UGT2A3: variants seen among roughly 807,000 people sequenced by gnomAD.
UGT2A3 encodes the protein UDP-glucuronosyltransferase 2A3.
A neutral mutation model predicts 44.1 loss-of-function variants in UGT2A3; 55 were observed. That is an observed-to-expected ratio of 1.25 (90% CI 1.00 to 1.56). The LOEUF is 1.56. Among genes scored for constraint, UGT2A3 ranks in the 40% most tolerant of loss-of-function variants. UGT2A3 has a pLI of 0.00. For missense variants in UGT2A3, 733 were observed against 621.6 expected (o/e 1.18, Z -1.91); for synonymous variants, 243 against 215.1 (o/e 1.13, Z -1.13).
At chr4:68,946,683 G>C (rs1718394318) in intron 1 of UGT2A3, among the ~76,000 whole-genome samples, 1 of 151,610 alleles carries the variant, frequency 6.6e-6, no homozygotes, top group South Asian at 2.1e-4. Flanking sequence ...TCAAAGGAAA[G>C]AAAATTAAAT....
At position 68,945,678 on chromosome 4, in the gene UGT2A3, A is replaced by T. The variant is rs1321219387; in HGVS notation, c.716-224T>A. The stretch of plus-strand genomic sequence containing the variant: ...GAGAAAGAAAGGAGGGAAGGAAGAA[A>T]GGAAGGAAGGAAGGATGGAGGGAGG... On this transcript the variant is annotated intron_variant, in intron 1 of 5. Transcript: ENST00000251566. Among the ~76,000 whole-genome samples the T allele has an allele frequency of 2.0e-5, 3 of 147,918 alleles. No individual in the cohort carries two copies. The East Asian group carries it at 6.0e-4, about 30-fold the overall frequency.
At chr4:68,950,986 A>G (rs1198420061) in intron 1 of UGT2A3, 60 bp downstream of exon 1, 2 of 1,238,986 alleles carry the variant, frequency 1.6e-6, no homozygotes, top group African/African-American at 1.5e-5. Flanking sequence ...ACAATGTATG[A>G]CAATTTTTAA....
chr4:68,947,781 G>T (rs1407055904), intron 1 of UGT2A3, among the ~76,000 whole-genome samples: 2 of 151,782 alleles, frequency 1.3e-5, no homozygotes, highest in Admixed American at 1.3e-4. Flanking sequence ...AGAGCCCTTT[G>T]TTGACCATGT....
At position 68,929,594 on chromosome 4, in the gene UGT2A3, C is replaced by A; in HGVS notation, c.*219G>T. 1 of 448,666 alleles carries A rather than the reference C, an allele frequency of 2.2e-6. No homozygotes were observed. The highest frequency in any genetic ancestry group is 3.5e-5 in the East Asian group (1 of 28,884). 27.8% of individuals were successfully genotyped at this position (448,666 alleles called of 1,614,324 possible). A position where few individuals can be genotyped will look rare whatever the true frequency, so the allele number is the denominator to read the frequency against. On this transcript the variant is annotated 3_prime_UTR_variant, in exon 6 of 6. Coordinates refer to ENST00000251566, the MANE Select transcript of UGT2A3 (RefSeq NM_024743.4). ...TAGGAAAATTTAGATGTATTCATGT[C>A]CTTGTGTCACAAAGTGAGAGAAGAG...
chr4:68,942,319 ATCTCTCTC>A (rs3071533), intron 2 of UGT2A3, among the ~76,000 whole-genome samples: 2 of 145,994 alleles, frequency 1.4e-5, no homozygotes, highest in African/African-American at 2.5e-5. Flanking sequence ...ATTTGAAAAT[ATCTCTCTC>A]TCTCTCTCTC....
chr4:68,938,425 C>T (rs1429549262), intron 2 of UGT2A3, among the ~76,000 whole-genome samples: 3 of 151,938 alleles, frequency 2.0e-5, no homozygotes, highest in Non-Finnish European at 2.9e-5. Flanking sequence ...AAATGTAATC[C>T]TTCACACAAG....
intron 2 of UGT2A3, among the ~76,000 whole-genome samples, chr4:68,939,487 G>T (rs973267409): frequency 6.6e-6 from 1 of 152,102 alleles, no homozygotes; most frequent in African/African-American, 2.4e-5. Flanking sequence ...GGGAAAACAC[G>T]CTAGCCATAT....
chr4:68,932,648 G>A lies in UGT2A3; in HGVS notation c.976C>T (p.Leu326Phe). The A allele has an allele frequency of 1.2e-6, 2 of 1,610,692 alleles. No individual in the cohort carries two copies. The highest frequency in any genetic ancestry group is 1.1e-5 in the South Asian group (1 of 90,788). ...EEKANIIASA[L>F]AQIPQKVLWR... ...CTGACCTTCTGTGGGATCTGGGCAA[G>A]GGCTGAAGCAATGATATTAGCCTTT... The change falls in exon 3 of 6, where the codon CTT becomes TTT. Residue 326 changes from leucine (L) to phenylalanine (F), a missense_variant. By Grantham distance (22) the Leu-to-Phe change is conservative. Transcript: ENST00000251566.
At chr4:68,941,099 C>T (rs1192996378) in intron 2 of UGT2A3, among the ~76,000 whole-genome samples, 5 of 151,572 alleles carry the variant, frequency 3.3e-5, no homozygotes, top group Non-Finnish European at 5.9e-5. Flanking sequence ...TTTACAAAAC[C>T]TGGCACTCCC....
At chr4:68,941,583 AT>A in intron 2 of UGT2A3, among the ~76,000 whole-genome samples, 1 of 151,898 alleles carries the variant, frequency 6.6e-6, no homozygotes. Context: ...CTAGGCAAGG[AT>A]TTTTTTGGAT....
intron 2 of UGT2A3, among the ~76,000 whole-genome samples, chr4:68,935,329 T>C (rs1484021751): frequency 8.0e-6 from 1 of 125,002 alleles, no homozygotes; most frequent in Non-Finnish European, 1.7e-5. Context: ...CATAATATAT[T>C]TGCTTCCAGA....
Position 68,930,558 on chromosome 4 carries a change from A to G in UGT2A3, c.1292T>C (p.Ile431Thr). The G allele has an allele frequency of 1.2e-6, 2 of 1,610,444 alleles. No homozygotes were observed. Among genetic ancestry groups the G allele is most frequent in the Non-Finnish European group, 1.7e-6 (2 of 1,177,986 alleles). ...EDLLRALRTV[I>T]TDSSYKENAM... is the part of the protein sequence containing the mutation. The stretch of plus-strand genomic sequence containing the variant: ...CAGTAGTACTTACGAGGAATCGGTA[A>G]TGACTGTTCTCAAAGCCCTCAGTAA... Residue 431 changes from isoleucine (I) to threonine (T), a missense_variant, in exon 5 of 6, where the codon ATT (isoleucine) becomes ACT (threonine). Physicochemically the swap from Ile to Thr is moderately conservative, Grantham distance 89 (BLOSUM62 -1). Transcript: ENST00000251566.
At position 68,929,725 on chromosome 4, in the gene UGT2A3, A is replaced by G; in HGVS notation, c.*88T>C. On this transcript the variant is annotated 3_prime_UTR_variant, in exon 6 of 6. Coordinates refer to ENST00000251566, the MANE Select transcript of UGT2A3 (RefSeq NM_024743.4). ...CTAAGATAAAATAACAGAATAGATAATATGAAAATAGCAAGGTTTTCACCA... is the reference window on the plus strand; with the variant it reads ...CTAAGATAAAATAACAGAATAGATAGTATGAAAATAGCAAGGTTTTCACCA... 2 of 1,189,950 alleles carry G rather than the reference A, an allele frequency of 1.7e-6. No homozygotes were observed. The highest frequency in any genetic ancestry group is 2.4e-6 in the Non-Finnish European group (2 of 841,840). The allele number at this position is 1,189,950 out of a possible 1,614,324, so 73.7% of individuals were successfully genotyped here. A position where few individuals can be genotyped will look rare whatever the true frequency, so the allele number is the denominator to read the frequency against.
At chr4:68,937,837 A>G (rs115111655) in intron 2 of UGT2A3, among the ~76,000 whole-genome samples, 5,444 of 152,250 alleles carry the variant, frequency 0.036, 121 homozygotes, top group Middle Eastern at 0.099. Flanking sequence ...AGAATAAAAT[A>G]GAGAAAAATC....
chr4:68,932,144 A>G (rs1401321520), intron 3 of UGT2A3, among the ~76,000 whole-genome samples: 1 of 151,974 alleles, frequency 6.6e-6, no homozygotes, highest in Non-Finnish European at 1.5e-5. Flanking sequence ...ATTGTAATTG[A>G]CATTTTACTT....
intron 2 of UGT2A3, chr4:68,943,527 A>T (rs1183313080): frequency 3.7e-6 from 1 of 268,630 alleles, no homozygotes; most frequent in African/African-American, 2.3e-5. Flanking sequence ...AAAATGGGAA[A>T]TGAGGGTTTT....
In UGT2A3 at chr4:68,950,904, T is replaced by C. The variant is rs574756160; in HGVS notation, c.715+142A>G. ...TAGGTTATCTTACGCTTAGAACAAA[T>C]ACACTTTCTTTATGAAAAACAGCTA... On this transcript the variant is annotated intron_variant, in intron 1 of 5. Coordinates refer to ENST00000251566, the MANE Select transcript of UGT2A3 (RefSeq NM_024743.4). 28 of 574,884 alleles carry C rather than the reference T, an allele frequency of 4.9e-5. No homozygotes were observed. In the African/African-American group the frequency reaches 5.3e-4, roughly 11 times the overall value. The allele number at this position is 574,884 out of a possible 1,614,324, so 35.6% of individuals were successfully genotyped here.
intron 1 of UGT2A3, among the ~76,000 whole-genome samples, chr4:68,946,497 C>A (rs1187763734): frequency 6.6e-6 from 1 of 151,564 alleles, no homozygotes; most frequent in Non-Finnish European, 1.5e-5. Context: ...CAAGCAAATG[C>A]ATTTATGTCT....
At chr4:68,938,488 CA>C (rs1718041846) in intron 2 of UGT2A3, among the ~76,000 whole-genome samples, 2 of 151,976 alleles carry the variant, frequency 1.3e-5, no homozygotes, top group Non-Finnish European at 2.9e-5. Context: ...AAAACACCTT[CA>C]ACAAAATTCA....
Sources: gnomAD v4.1 joint callset for allele counts (sites outside exome capture counted in the v4.1 genomes callset) on GRCh38, gnomAD v4.1.1 for gene constraint, MANE v1.5 for transcripts, NCBI Gene and HGNC (gene_info 2026-07-23, HGNC 2026-07-21) for gene names.